The following GPATCH2 variants were observed in gnomAD, a reference collection of about 807,000 sequenced individuals.
GPATCH2 encodes the protein G patch domain-containing protein 2.
Under a neutral mutation model 58.0 loss-of-function variants are expected in GPATCH2, and 51 were observed. That is an observed-to-expected ratio of 0.88 (90% CI 0.70 to 1.11). The LOEUF (loss-of-function observed/expected upper bound fraction) is 1.11, where lower values mean the gene tolerates loss of function less well. Among genes scored for constraint, GPATCH2 ranks in the 50% most tolerant of loss-of-function variants. GPATCH2 has a pLI of 0.00. For synonymous variants in GPATCH2, 222 were observed against 218.5 expected, an observed-to-expected ratio of 1.02 and a Z score of -0.14; for missense variants, 625 against 652.2, an observed-to-expected ratio of 0.96 and a Z score of 0.45.
At position 217,620,509 on chromosome 1, in the gene GPATCH2, T is replaced by A. The variant is rs1176345539; in HGVS notation, c.57-10A>T. 1 of 1,527,914 alleles carries A rather than the reference T, an allele frequency of 6.5e-7. No homozygotes were observed. The highest frequency in any genetic ancestry group is 1.9e-5 in the Admixed American group (1 of 52,140). The allele number at this position is 1,527,914 out of a possible 1,614,324, so 94.6% of individuals were successfully genotyped here. ...GGTTCTACTGAAATGCCTTCATTTT[T>A]TAGAGAAAGAAAAAAGAAAATAGTC... On this transcript the variant is annotated splice_polypyrimidine_tract_variant and intron_variant, in intron 1 of 9. Coordinates refer to ENST00000366935, the MANE Select transcript of GPATCH2 (RefSeq NM_018040.5).
chr1:217,483,026 T>G lies in GPATCH2; in HGVS notation c.1277+8654A>C, dbSNP rs145532167. On this transcript the variant is annotated intron_variant, in intron 8 of 9. Transcript: ENST00000366935. ...TATGTGTATCAATTCTTCATTCCTT[T>G]TTATTGGTGACTGAATTGCTTTCCA... Among the ~76,000 whole-genome samples the G allele has an allele frequency of 4.6e-5, 7 of 152,346 alleles. No individual in the cohort carries two copies. In the East Asian group the frequency reaches 1.4e-3, roughly 29 times the overall value.
intron 5 of GPATCH2, among the ~76,000 whole-genome samples, chr1:217,547,348 G>A (rs199731087): frequency 6.5e-5 from 7 of 108,288 alleles, no homozygotes; most frequent in East Asian, 6.2e-4. Flanking sequence ...GGGTGACAGC[G>A]CAAAAAAAAA....
At position 217,566,101 on chromosome 1, in the gene GPATCH2, CAAAAAAAAAAAAAA is replaced by C. The variant is rs59608962; in HGVS notation, c.1098+44206_1098+44219del. Among the ~76,000 whole-genome samples, 4 of 47,242 alleles carry C rather than the reference CAAAAAAAAAAAAAA, an allele frequency of 8.5e-5. 1 individual carries two copies. The highest frequency in any genetic ancestry group is 3.1e-4 in the Admixed American group (1 of 3,260). The allele number at this position is 47,242 out of a possible 152,430, so 31.0% of individuals were successfully genotyped here. On this transcript the variant is annotated intron_variant, in intron 5 of 9. Transcript: ENST00000366935. ...GGGCAACAAGAGCAAAACTCCGTCTCAAAAAAAAAAAAAAAAAAAAAAAAAAAGATCCCCAATAA... is the reference window on the plus strand; with the variant it reads ...GGGCAACAAGAGCAAAACTCCGTCTCAAAAAAAAAAAAAGATCCCCAATAA...
intron 8 of GPATCH2, among the ~76,000 whole-genome samples, chr1:217,487,001 G>T (rs1043800103): frequency 6.6e-6 from 1 of 152,128 alleles, no homozygotes; most frequent in Non-Finnish European, 1.5e-5. Context: ...CTTTGTGTGG[G>T]GCAGGCAGCA....
chr1:217,466,701 C>T (rs575794585), intron 8 of GPATCH2, among the ~76,000 whole-genome samples: 144 of 151,982 alleles, frequency 9.5e-4, no homozygotes, highest in African/African-American at 3.3e-3. Context: ...GAAACTGTTA[C>T]ACAGAGGTAA....
At chr1:217,534,644 T>C (rs1664377529) in intron 5 of GPATCH2, among the ~76,000 whole-genome samples, 1 of 151,908 alleles carries the variant, frequency 6.6e-6, no homozygotes, top group South Asian at 2.1e-4. Context: ...CCCTCTGCAC[T>C]CACCACCACC....
intron 2 of GPATCH2, among the ~76,000 whole-genome samples, chr1:217,619,229 G>C (rs1669060749): frequency 1.3e-5 from 2 of 148,406 alleles, no homozygotes; most frequent in African/African-American, 4.9e-5. Context: ...ACTACCACAG[G>C]ACCATTGTTT....
intron 2 of GPATCH2, 144 bp from the exon 3 acceptor site, chr1:217,614,346 A>G: frequency 1.7e-6 from 1 of 591,288 alleles, no homozygotes; most frequent in Non-Finnish European, 3.1e-6. Flanking sequence ...TTTTTTAATC[A>G]AACTGCTAAT....
intron 5 of GPATCH2, among the ~76,000 whole-genome samples, chr1:217,575,394 T>A (rs533622833): frequency 3.3e-5 from 5 of 152,110 alleles, no homozygotes; most frequent in Non-Finnish European, 7.4e-5. Context: ...ATCATCTAGG[T>A]TTATGTCAAT....
At chr1:217,534,037 G>T (rs1664339169) in intron 5 of GPATCH2, among the ~76,000 whole-genome samples, 1 of 152,018 alleles carries the variant, frequency 6.6e-6, no homozygotes, top group Non-Finnish European at 1.5e-5. Flanking sequence ...CCAACATGAT[G>T]AAACCCCACC....
intron 5 of GPATCH2, among the ~76,000 whole-genome samples, chr1:217,534,274 C>T (rs936867917): frequency 6.6e-6 from 1 of 152,004 alleles, no homozygotes; most frequent in South Asian, 2.1e-4. Context: ...ATTAATTGCT[C>T]TCTCCTATAA....
intron 8 of GPATCH2, among the ~76,000 whole-genome samples, chr1:217,476,235 A>AGTGT (rs60995546): frequency 0.023 from 3,383 of 146,374 alleles, 102 homozygotes; most frequent in African/African-American, 0.071. Flanking sequence ...TCCAGATATG[A>AGTGT]GTGTGTGTGT....
intron 8 of GPATCH2, among the ~76,000 whole-genome samples, chr1:217,456,738 C>A (rs1299314116): frequency 6.6e-6 from 1 of 152,110 alleles, no homozygotes; most frequent in East Asian, 1.9e-4. Flanking sequence ...AGTTTTAAAG[C>A]AAACTATTCA....
chr1:217,470,529 A>G (rs866484107), intron 8 of GPATCH2, among the ~76,000 whole-genome samples: 7 of 152,168 alleles, frequency 4.6e-5, no homozygotes, highest in Middle Eastern at 3.2e-3. Flanking sequence ...CCAAAATTCT[A>G]AGTGGCTGAT....
In GPATCH2 at chr1:217,587,005, T is replaced by C. The variant is rs562011853; in HGVS notation, c.1098+23316A>G. On this transcript the variant is annotated intron_variant, in intron 5 of 9. Transcript: ENST00000366935. ...GTTACTTCTGGGAGAAGAGGTGATA[T>C]AATCTGGAAGTATAACTAAGAGCCT... Among the ~76,000 whole-genome samples the C allele has an allele frequency of 4.8e-4, 73 of 152,292 alleles. No homozygotes were observed. In the Middle Eastern group the frequency reaches 0.014, roughly 28 times the overall value.
At chr1:217,581,448 G>C (rs914387422) in intron 5 of GPATCH2, among the ~76,000 whole-genome samples, 3 of 152,188 alleles carry the variant, frequency 2.0e-5, no homozygotes, top group Non-Finnish European at 4.4e-5. Context: ...TAGTTGCATG[G>C]TGAAACTGTG....
intron 5 of GPATCH2, among the ~76,000 whole-genome samples, chr1:217,564,236 G>A (rs1666095071): frequency 6.6e-6 from 1 of 152,032 alleles, no homozygotes; most frequent in Admixed American, 6.6e-5. Flanking sequence ...TTGAGCAAGA[G>A]GACCAGATGA....
At chr1:217,540,204 A>G (rs557940030) in intron 5 of GPATCH2, among the ~76,000 whole-genome samples, 33 of 152,272 alleles carry the variant, frequency 2.2e-4, no homozygotes, top group African/African-American at 7.9e-4. Flanking sequence ...CTTTAAACTG[A>G]TATTTAAGGA....
intron 5 of GPATCH2, among the ~76,000 whole-genome samples, chr1:217,563,100 C>T (rs1386503370): frequency 1.3e-5 from 2 of 152,156 alleles, no homozygotes; most frequent in Non-Finnish European, 2.9e-5. Flanking sequence ...TTTAGACTAT[C>T]CCACAAGTAA....
Sources: gnomAD v4.1 joint callset for allele counts (sites outside exome capture counted in the v4.1 genomes callset) on GRCh38, gnomAD v4.1.1 for gene constraint, MANE v1.5 for transcripts, NCBI Gene and HGNC (gene_info 2026-07-23, HGNC 2026-07-21) for gene names.